The following THSD4 variants were observed in gnomAD, a reference collection of about 807,000 sequenced individuals.
The protein encoded by THSD4 is thrombospondin type-1 domain-containing protein 4.
A neutral mutation model predicts 119.0 loss-of-function variants in THSD4; 69 were observed. That is an observed-to-expected ratio of 0.58 (90% CI 0.48 to 0.71). The LOEUF (loss-of-function observed/expected upper bound fraction) is 0.71, where lower values mean the gene tolerates loss of function less well. THSD4 is among the 30% of genes least tolerant of loss of function. The pLI is 0.00. For missense variants in THSD4, 1,393 were observed against 1,391.1 expected (o/e 1.00, Z -0.02); for synonymous variants, 524 against 540.4 (o/e 0.97, Z 0.42).
intron 15 of THSD4, among the ~76,000 whole-genome samples, chr15:71,760,710 A>C (rs1207541001): frequency 2.0e-5 from 3 of 152,178 alleles, no homozygotes; most frequent in Non-Finnish European, 2.9e-5. Flanking sequence ...CAATAGATAT[A>C]TTTATTCTCA....
intron 6 of THSD4, among the ~76,000 whole-genome samples, chr15:71,399,697 G>A (rs897802975): frequency 6.6e-6 from 1 of 152,112 alleles, no homozygotes; most frequent in Non-Finnish European, 1.5e-5. Context: ...TGTGGCTCCC[G>A]GACCAGCAGC....
Position 71,416,990 on chromosome 15 carries a change from A to G in THSD4, c.1152+5167A>G, listed in dbSNP as rs1203092389. On this transcript the variant is annotated intron_variant, in intron 7 of 17. Coordinates refer to ENST00000261862, the MANE Select transcript of THSD4 (RefSeq NM_024817.3). ...TAGCCAGGATGGTCTTGATCTCCTG[A>G]CCTCATGATCCGCCTGCCTCAGCCT... is the stretch of plus-strand genomic sequence containing the variant. 1.9e-5 allele frequency among the ~76,000 whole-genome samples: 2 copies of G among 106,270 alleles called. 1 individual carries two copies. Among genetic ancestry groups the G allele is most frequent in the African/African-American group, 6.5e-5 (2 of 30,982 alleles). The allele number at this position is 106,270 out of a possible 152,430, so 69.7% of individuals were successfully genotyped here. A position where few individuals can be genotyped will look rare whatever the true frequency, so the allele number is the denominator to read the frequency against.
intron 7 of THSD4, among the ~76,000 whole-genome samples, chr15:71,605,067 A>C (rs1404062260): frequency 1.3e-5 from 2 of 151,962 alleles, no homozygotes; most frequent in African/African-American, 4.8e-5. Context: ...AGAACATTCC[A>C]GGTAGAGGAA....
intron 1 of THSD4, among the ~76,000 whole-genome samples, chr15:71,104,162 A>C (rs1489418903): frequency 6.6e-6 from 1 of 152,126 alleles, no homozygotes; most frequent in African/African-American, 2.4e-5. Context: ...CTATGTGGGA[A>C]ATGATATCTT....
At position 71,590,329 on chromosome 15, in the gene THSD4, G is replaced by A. The variant is rs929057107; in HGVS notation, c.1153-70201G>A. Among the ~76,000 whole-genome samples, 8 of 49,470 alleles carry A rather than the reference G, an allele frequency of 1.6e-4. 3 individuals carry two copies. The highest frequency in any genetic ancestry group is 3.7e-4 in the Non-Finnish European group (7 of 18,798). 32.5% of individuals were successfully genotyped at this position (49,470 alleles called of 152,430 possible). A position where few individuals can be genotyped will look rare whatever the true frequency, so the allele number is the denominator to read the frequency against. On this transcript the variant is annotated intron_variant, in intron 7 of 17. Coordinates refer to ENST00000261862, the MANE Select transcript of THSD4 (RefSeq NM_024817.3). ...TGTAATAATGTAGTTTTGAGGCCGTGTGGACCTGGACTAGGTTGATAGGAA... is the reference window on the plus strand; with the variant it reads ...TGTAATAATGTAGTTTTGAGGCCGTATGGACCTGGACTAGGTTGATAGGAA...
chr15:71,490,900 A>G (rs187732623), intron 7 of THSD4, among the ~76,000 whole-genome samples: 18 of 152,196 alleles, frequency 1.2e-4, no homozygotes, highest in Admixed American at 9.8e-4. Flanking sequence ...GGCAGAGTTG[A>G]ATAATGGCAA....
chr15:71,646,065 T>G (rs2050963078), intron 7 of THSD4, among the ~76,000 whole-genome samples: 1 of 152,240 alleles, frequency 6.6e-6, no homozygotes, highest in Non-Finnish European at 1.5e-5. Flanking sequence ...CTTAAAACTC[T>G]GCTTTTGAGT....
At chr15:71,109,378 T>G (rs907367084) in intron 1 of THSD4, among the ~76,000 whole-genome samples, 5 of 152,180 alleles carry the variant, frequency 3.3e-5, no homozygotes, top group African/African-American at 1.2e-4. Context: ...AAAAAAGAAG[T>G]CACATACTTC....
intron 7 of THSD4, among the ~76,000 whole-genome samples, chr15:71,532,638 A>C (rs931716456): frequency 6.6e-6 from 1 of 152,040 alleles, no homozygotes; most frequent in Non-Finnish European, 1.5e-5. Context: ...TTAATGTAGA[A>C]TTTATCTTGC....
intron 7 of THSD4, among the ~76,000 whole-genome samples, chr15:71,650,625 C>T (rs1425972949): frequency 6.6e-6 from 1 of 152,156 alleles, no homozygotes; most frequent in African/African-American, 2.4e-5. Flanking sequence ...ATAGCAGAAG[C>T]AGGAAGAGAG....
At chr15:71,255,909 G>T (rs1473940438) in intron 5 of THSD4, among the ~76,000 whole-genome samples, 1 of 152,202 alleles carries the variant, frequency 6.6e-6, no homozygotes, top group Non-Finnish European at 1.5e-5. Flanking sequence ...CATGCAAGGG[G>T]AATGGCATGA....
chr15:71,424,364 A>C (rs2046843721), intron 7 of THSD4, among the ~76,000 whole-genome samples: 1 of 152,058 alleles, frequency 6.6e-6, no homozygotes, highest in African/African-American at 2.4e-5. Flanking sequence ...ATTGGGGTTG[A>C]TGTCTACTCC....
At chr15:71,657,141 G>A (rs947036241) in intron 7 of THSD4, among the ~76,000 whole-genome samples, 1 of 152,186 alleles carries the variant, frequency 6.6e-6, no homozygotes, top group Non-Finnish European at 1.5e-5. Flanking sequence ...GATAGCTTGT[G>A]ATTCTCTATG....
intron 3 of THSD4, among the ~76,000 whole-genome samples, chr15:71,168,787 A>G (rs1596237675): frequency 6.6e-6 from 1 of 152,286 alleles, no homozygotes; most frequent in South Asian, 2.1e-4. Context: ...ATAGAAGGGG[A>G]AAAAAATTTT....
intron 8 of THSD4, among the ~76,000 whole-genome samples, chr15:71,671,411 A>C (rs935089445): frequency 3.9e-5 from 6 of 152,186 alleles, no homozygotes; most frequent in Non-Finnish European, 7.3e-5. Context: ...TAGATTGGAA[A>C]AATTTTTTCC....
chr15:71,572,318 A>G (rs925293064), intron 7 of THSD4, among the ~76,000 whole-genome samples: 1 of 152,216 alleles, frequency 6.6e-6, no homozygotes, highest in African/African-American at 2.4e-5. Flanking sequence ...AATAACATTT[A>G]ATACTATGGG....
chr15:71,659,766 G>A (rs958903394), intron 7 of THSD4, among the ~76,000 whole-genome samples: 27 of 152,312 alleles, frequency 1.8e-4, no homozygotes, highest in African/African-American at 6.3e-4. Context: ...ACATGAATGA[G>A]GAGGGAGAGA....
At chr15:71,112,825 C>T (rs2040316669), upstream of THSD4, among the ~76,000 whole-genome samples, 1 of 152,246 alleles carries the variant, frequency 6.6e-6, no homozygotes, top group African/African-American at 2.4e-5. Flanking sequence ...TTAAAACTTG[C>T]TGTCTTAGCA....
intron 6 of THSD4, among the ~76,000 whole-genome samples, chr15:71,396,412 A>G (rs1180891235): frequency 6.6e-6 from 1 of 152,140 alleles, no homozygotes. Flanking sequence ...CAGAGGTGCT[A>G]CCACTTCCTC....
Sources: gnomAD v4.1 joint callset for allele counts (sites outside exome capture counted in the v4.1 genomes callset) on GRCh38, gnomAD v4.1.1 for gene constraint, MANE v1.5 for transcripts, NCBI Gene and HGNC (gene_info 2026-07-23, HGNC 2026-07-21) for gene names.